The following DOCK7 variants were observed in gnomAD, a reference collection of about 807,000 sequenced individuals.
DOCK7 encodes the protein dedicator of cytokinesis protein 7.
Under a neutral mutation model 271.0 loss-of-function variants are expected in DOCK7, and 138 were observed. That is an observed-to-expected ratio of 0.51 (90% CI 0.44 to 0.59). The LOEUF is 0.59. DOCK7 is among the 20% of genes least tolerant of loss of function. The probability of loss-of-function intolerance (pLI) is 0.00; values close to 1 mark genes in which losing one functional copy is unlikely to be tolerated. For synonymous variants in DOCK7, 823 were observed against 876.1 expected (o/e 0.94, Z 1.07); for missense variants, 2,066 against 2,592.4 (o/e 0.80, Z 4.41).
rs746701721 is a variant in DOCK7, at chr1:62,476,127, A to T, written c.5664T>A (p.Asp1888Glu). The change falls in exon 45 of 50, where the codon GAT becomes GAA. Residue 1888 changes from aspartate (D) to glutamate (E), a missense_variant. By Grantham distance (45) the Asp-to-Glu change is conservative. This residue lies in a region of DOCK7 where 652 missense variants were observed against 922.1 expected (regional missense o/e 0.71). Coordinates refer to ENST00000635253, the MANE Select transcript of DOCK7 (RefSeq NM_001367561.1). ...EGFYGERFGE[D>E]VVEVIKDSNP... ...TAGAGTCTTTGATTACTTCAACCAC[A>T]TCCTCTCCAAATCTTTCTCCGTAAA... 1.9e-6 allele frequency: 3 copies of T among 1,613,278 alleles called. No homozygotes were observed. In the East Asian group the frequency reaches 6.7e-5, roughly 36 times the overall value.
chr1:62,527,348 A>T (rs1571408356), intron 31 of DOCK7, among the ~76,000 whole-genome samples: 2 of 152,148 alleles, frequency 1.3e-5, no homozygotes, highest in Non-Finnish European at 2.9e-5. Flanking sequence ...AAACAGGTTT[A>T]AAAAAATAAA....
At chr1:62,492,975 G>C in intron 40 of DOCK7, 128 bp from the exon 41 acceptor site, 1 of 722,208 alleles carries the variant, frequency 1.4e-6, no homozygotes, top group Non-Finnish European at 2.2e-6. Context: ...TGATATAAAG[G>C]TAAAAGATAA....
intron 48 of DOCK7, among the ~76,000 whole-genome samples, chr1:62,460,304 T>G (rs1016150951): frequency 6.6e-6 from 1 of 152,084 alleles, no homozygotes; most frequent in African/African-American, 2.4e-5. Context: ...CTGTGGGTTC[T>G]GCATGCATGA....
chr1:62,529,471 A>G, intron 29 of DOCK7, 25 bp from the exon 30 acceptor site: 1 of 1,573,550 alleles, frequency 6.4e-7, no homozygotes, highest in Non-Finnish European at 8.6e-7. Context: ...GAAGACAAAG[A>G]AGAAAAAGCA....
intron 14 of DOCK7, among the ~76,000 whole-genome samples, chr1:62,609,970 A>G (rs1441654026): frequency 1.3e-5 from 2 of 151,598 alleles, no homozygotes; most frequent in African/African-American, 4.8e-5. Context: ...CCTGCCTCAG[A>G]CTCCTGAGTA....
At chr1:62,509,544 CT>C (rs2149331303) in intron 34 of DOCK7, among the ~76,000 whole-genome samples, 1 of 152,118 alleles carries the variant, frequency 6.6e-6, no homozygotes, top group East Asian at 1.9e-4. Flanking sequence ...AGTACAGTAC[CT>C]GGCTACTCTG....
At chr1:62,654,866 C>T (rs562809943) in intron 2 of DOCK7, among the ~76,000 whole-genome samples, 3 of 152,118 alleles carry the variant, frequency 2.0e-5, no homozygotes, top group Admixed American at 2.0e-4. Context: ...AATATCCTGG[C>T]CTTGAAGATA....
At chr1:62,634,726 T>G in intron 9 of DOCK7, 47 bp downstream of exon 9, 1 of 1,557,226 alleles carries the variant, frequency 6.4e-7, no homozygotes, top group Admixed American at 1.8e-5. Context: ...GACAGACAAG[T>G]ATACAGACAC....
intron 14 of DOCK7, among the ~76,000 whole-genome samples, chr1:62,610,626 C>G (rs898197676): frequency 6.6e-6 from 1 of 152,198 alleles, no homozygotes; most frequent in Admixed American, 6.5e-5. Flanking sequence ...AGCCCCACCC[C>G]GACAGGTCCC....
intron 12 of DOCK7, among the ~76,000 whole-genome samples, chr1:62,621,693 T>C (rs1208448917): frequency 6.6e-6 from 1 of 152,216 alleles, no homozygotes; most frequent in African/African-American, 2.4e-5. Context: ...TATTGAGTTA[T>C]GGTTAGAAAA....
intron 1 of DOCK7, among the ~76,000 whole-genome samples, chr1:62,665,468 G>A (rs1307330046): frequency 2.0e-5 from 3 of 151,742 alleles, no homozygotes; most frequent in Non-Finnish European, 4.4e-5. Flanking sequence ...CACTTTAGGA[G>A]GCCAAGGCCA....
At chr1:62,675,610 G>A (rs1348449314) in intron 1 of DOCK7, among the ~76,000 whole-genome samples, 1 of 151,860 alleles carries the variant, frequency 6.6e-6, no homozygotes, top group African/African-American at 2.4e-5. Flanking sequence ...GTGAAACCCC[G>A]TCTCTACTAA....
intron 40 of DOCK7, among the ~76,000 whole-genome samples, chr1:62,493,812 A>G (rs936938680): frequency 6.6e-6 from 1 of 152,236 alleles, no homozygotes; most frequent in Non-Finnish European, 1.5e-5. Context: ...GAATTCAACT[A>G]GTGGGTCAGA....
intron 48 of DOCK7, among the ~76,000 whole-genome samples, chr1:62,461,467 G>C (rs1000737574): frequency 6.6e-6 from 1 of 151,896 alleles, no homozygotes; most frequent in Non-Finnish European, 1.5e-5. Context: ...GACTGCTGGA[G>C]CCCAGGAGTG....
At chr1:62,553,032 C>CA in intron 21 of DOCK7, 131 bp from the exon 22 acceptor site, 3 of 166,010 alleles carry the variant, frequency 1.8e-5, no homozygotes, top group Non-Finnish European at 2.7e-5. Context: ...AAAAAATATA[C>CA]TTTTTTTTTT....
Position 62,539,794 on chromosome 1 carries a change from A to G in DOCK7, c.3144T>C (p.Leu1048=), listed in dbSNP as rs1201147369. The G allele has an allele frequency of 8.1e-6, 13 of 1,613,606 alleles. No homozygotes were observed. The highest frequency in any genetic ancestry group is 1.1e-5 in the Non-Finnish European group (13 of 1,179,922). Residue 1048 remains leucine, a synonymous_variant, in exon 26 of 50, where the codon CTT becomes CTC. Coordinates refer to ENST00000635253, the MANE Select transcript of DOCK7 (RefSeq NM_001367561.1). The part of the protein sequence containing the change: ...PERFMDDIAA[L]VSTIASDIVS... Reference sequence around the variant, plus strand: ...CTATATCACTAGCAATCGTGCTGACAAGAGCTGCAATGTCATCCATGAAAC... The same window carrying G: ...CTATATCACTAGCAATCGTGCTGACGAGAGCTGCAATGTCATCCATGAAAC...
intron 35 of DOCK7, among the ~76,000 whole-genome samples, chr1:62,506,616 G>T (rs1415938791): frequency 6.6e-6 from 1 of 151,810 alleles, no homozygotes; most frequent in South Asian, 2.1e-4. Flanking sequence ...GATTACAGGT[G>T]TGCGCCACCA....
chr1:62,461,219 C>T (rs1179289512), intron 48 of DOCK7, among the ~76,000 whole-genome samples: 1 of 151,986 alleles, frequency 6.6e-6, no homozygotes, highest in Non-Finnish European at 1.5e-5. Flanking sequence ...CCTCTCTATT[C>T]CTAGTCAACA....
At chr1:62,660,530 G>C (rs1658542132) in intron 2 of DOCK7, among the ~76,000 whole-genome samples, 1 of 152,164 alleles carries the variant, frequency 6.6e-6, no homozygotes, top group Non-Finnish European at 1.5e-5. Context: ...ATTGACGGTG[G>C]AAATGTAAAA....
Sources: gnomAD v4.1 joint callset for allele counts (sites outside exome capture counted in the v4.1 genomes callset) on GRCh38, gnomAD v4.1.1 for gene constraint, gnomAD v4.1.1 regional missense constraint, MANE v1.5 for transcripts, NCBI Gene and HGNC (gene_info 2026-07-23, HGNC 2026-07-21) for gene names.